SERTAD2: variants seen among roughly 807,000 people sequenced by gnomAD.
SERTAD2 encodes the protein SERTA domain-containing protein 2.
Under a neutral mutation model 15.4 loss-of-function variants are expected in SERTAD2, and 2 were observed. The observed-to-expected ratio is 0.13, with a 90% CI of 0.05 to 0.41. The LOEUF (loss-of-function observed/expected upper bound fraction) is 0.41, where lower values mean the gene tolerates loss of function less well. SERTAD2 is among the 10% of genes least tolerant of loss of function. The pLI, the probability that SERTAD2 is intolerant of heterozygous loss-of-function variation, is 0.99. For missense variants in SERTAD2, 333 were observed against 409.7 expected, an observed-to-expected ratio of 0.81 and a Z score of 1.62; for synonymous variants, 180 against 178.0, an observed-to-expected ratio of 1.01 and a Z score of -0.09.
intron 1 of SERTAD2, among the ~76,000 whole-genome samples, chr2:64,653,287 C>G (rs1161616233): frequency 6.6e-6 from 1 of 152,222 alleles, no homozygotes; most frequent in Non-Finnish European, 1.5e-5. Context: ...AACGCGCACA[C>G]ACATCCCAGC....
intron 1 of SERTAD2, among the ~76,000 whole-genome samples, chr2:64,638,795 C>G (rs1191500580): frequency 6.6e-6 from 1 of 152,226 alleles, no homozygotes; most frequent in Non-Finnish European, 1.5e-5. Context: ...TCTAATACTT[C>G]AAGTGATAGA....
chr2:64,646,548 A>G (rs1254945936), intron 1 of SERTAD2: 2 of 152,222 alleles, frequency 1.3e-5, no homozygotes, highest in African/African-American at 4.8e-5. Flanking sequence ...AAGGAGCGCA[A>G]AAGTCTCATT....
At chr2:64,640,880 C>A (rs1674763096) in intron 1 of SERTAD2, among the ~76,000 whole-genome samples, 1 of 152,208 alleles carries the variant, frequency 6.6e-6, no homozygotes, top group Non-Finnish European at 1.5e-5. Context: ...CTTCTGCCCA[C>A]CCTAAGGGGC....
At position 64,633,585 on chromosome 2, in the gene SERTAD2, G is replaced by A. The variant is rs1674582868; in HGVS notation, c.*2342C>T. The stretch of plus-strand genomic sequence containing the variant: ...GTGCAGCATGCGGCAGGTTTGCCAG[G>A]TCCTCCAGTTATAGAAAGCATGGAA... On this transcript the variant is annotated 3_prime_UTR_variant, in exon 2 of 2. Transcript: ENST00000313349. 6.6e-6 allele frequency: 1 copy of A among 152,204 alleles called. No homozygotes were observed. The highest frequency in any genetic ancestry group is 2.1e-4 in the South Asian group (1 of 4,834). The allele number at this position is 152,204 out of a possible 1,614,324, so 9.4% of individuals were successfully genotyped here.
Position 64,632,145 on chromosome 2 carries a change from ATTG to A in SERTAD2, c.*3779_*3781del, listed in dbSNP as rs1399225555. 3.9e-5 allele frequency: 6 copies of A among 152,590 alleles called. No homozygotes were observed. The highest frequency in any genetic ancestry group is 3.9e-4 in the Admixed American group (6 of 15,288). The allele number at this position is 152,590 out of a possible 1,614,324, so 9.5% of individuals were successfully genotyped here. A position where few individuals can be genotyped will look rare whatever the true frequency, so the allele number is the denominator to read the frequency against. ...AGAAAAGGTTAAATATACTCTTTTC[ATTG>A]TTTTCAGAAAATGTATAAAGGTCCA... is the stretch of plus-strand genomic sequence containing the variant. On this transcript the variant is annotated 3_prime_UTR_variant, in exon 2 of 2. Transcript: ENST00000313349.
At chr2:64,637,537 G>A (rs879648096) in intron 1 of SERTAD2, among the ~76,000 whole-genome samples, 3 of 152,188 alleles carry the variant, frequency 2.0e-5, no homozygotes, top group Non-Finnish European at 4.4e-5. Context: ...GAATCAAGGG[G>A]AGGAATGCGT....
At chr2:64,650,337 TTTTG>T (rs1298695318) in intron 1 of SERTAD2, among the ~76,000 whole-genome samples, 4 of 151,980 alleles carry the variant, frequency 2.6e-5, no homozygotes, top group Non-Finnish European at 2.9e-5. Flanking sequence ...GCCAATCATG[TTTTG>T]TTTGTCTCGT....
intron 1 of SERTAD2, among the ~76,000 whole-genome samples, chr2:64,638,428 G>T: frequency 6.6e-6 from 1 of 152,172 alleles, no homozygotes; most frequent in Admixed American, 6.5e-5. Flanking sequence ...AAGAAATAAG[G>T]CTAAATGGAA....
At chr2:64,653,358 C>G (rs1011839455) in intron 1 of SERTAD2, among the ~76,000 whole-genome samples, 25 of 152,098 alleles carry the variant, frequency 1.6e-4, no homozygotes, top group Non-Finnish European at 3.2e-4. Flanking sequence ...CTCCCGACCC[C>G]CTCCTGACCC....
At chr2:64,640,703 C>A (rs1395254845) in intron 1 of SERTAD2, among the ~76,000 whole-genome samples, 2 of 152,100 alleles carry the variant, frequency 1.3e-5, no homozygotes, top group East Asian at 3.9e-4. Context: ...TCCTAGGTCA[C>A]CCCGGGGCTT....
At position 64,636,834 on chromosome 2, in the gene SERTAD2, T is replaced by A. The variant is rs1395254133; in HGVS notation, c.38A>T (p.His13Leu). ...GKGGKRKFDE[H>L]EDGLEGKIVS... is the part of the protein sequence containing the mutation. ...GATTTTGCCTTCCAGCCCATCTTCATGCTCATCAAACTTCCGTTTTCCTCC... is the reference window on the plus strand; with the variant it reads ...GATTTTGCCTTCCAGCCCATCTTCAAGCTCATCAAACTTCCGTTTTCCTCC... The change falls in exon 2 of 2, where the codon CAT becomes CTT. Residue 13 changes from histidine to leucine, a missense_variant. Transcript: ENST00000313349. 1 of 1,613,866 alleles carries A rather than the reference T, an allele frequency of 6.2e-7. No homozygotes were observed. The highest frequency in any genetic ancestry group is 8.5e-7 in the Non-Finnish European group (1 of 1,179,880).
At chr2:64,639,427 T>C (rs573153776) in intron 1 of SERTAD2, among the ~76,000 whole-genome samples, 8 of 152,336 alleles carry the variant, frequency 5.3e-5, no homozygotes, top group South Asian at 2.1e-4. Flanking sequence ...CTGTGAAAGA[T>C]TGGGGGGCCA....
intron 1 of SERTAD2, among the ~76,000 whole-genome samples, chr2:64,639,854 G>A: frequency 6.6e-6 from 1 of 152,216 alleles, no homozygotes. Flanking sequence ...CAGCTGGCCA[G>A]AGCTGTGTGC....
intron 1 of SERTAD2, among the ~76,000 whole-genome samples, chr2:64,652,072 A>G (rs1395805916): frequency 3.9e-5 from 6 of 152,218 alleles, no homozygotes. Flanking sequence ...CCCTCTAAAG[A>G]AGTCAATGAA....
chr2:64,639,221 C>G (rs757709519), intron 1 of SERTAD2, among the ~76,000 whole-genome samples: 3 of 152,212 alleles, frequency 2.0e-5, no homozygotes, highest in Non-Finnish European at 2.9e-5. Flanking sequence ...CAGATGGTGC[C>G]TGTCTGCGAA....
rs1178449641 is a variant in SERTAD2, at chr2:64,634,585, TGTG to T, written c.*1339_*1341del. ...GCCGGCCGAGGCGAGCCAAGCTCAC[TGTG>T]GTGATCACGAAGATGCCATTTTCAG... On this transcript the variant is annotated 3_prime_UTR_variant, in exon 2 of 2. Transcript: ENST00000313349. The T allele has an allele frequency of 6.6e-6, 1 of 152,016 alleles. No homozygotes were observed. Among genetic ancestry groups the T allele is most frequent in the Admixed American group, 6.5e-5 (1 of 15,272 alleles). The allele number at this position is 152,016 out of a possible 1,614,324, so 9.4% of individuals were successfully genotyped here.
chr2:64,648,799 G>T (rs1207759923), intron 1 of SERTAD2, among the ~76,000 whole-genome samples: 1 of 152,122 alleles, frequency 6.6e-6, no homozygotes, highest in Non-Finnish European at 1.5e-5. Flanking sequence ...ATCACTGCCA[G>T]TGAAACGTAT....
chr2:64,649,133 C>A (rs56084079), intron 1 of SERTAD2, among the ~76,000 whole-genome samples: 1 of 152,214 alleles, frequency 6.6e-6, no homozygotes, highest in African/African-American at 2.4e-5. Flanking sequence ...ATCTCATTAG[C>A]GTGACTAGGA....
chr2:64,652,166 CACAA>C (rs1250460236), intron 1 of SERTAD2, among the ~76,000 whole-genome samples: 9 of 151,858 alleles, frequency 5.9e-5, no homozygotes, highest in Admixed American at 4.6e-4. Flanking sequence ...AGCAGAGATC[CACAA>C]ACAAACTATT....
Sources: allele counts gnomAD v4.1 joint callset (sites outside exome capture counted in the v4.1 genomes callset), GRCh38; gene constraint gnomAD v4.1.1; transcripts MANE v1.5; gene names NCBI Gene and HGNC (gene_info 2026-07-23, HGNC 2026-07-21).